Variants in ZNF740 observed in about 807,000 individuals in gnomAD.
The protein encoded by ZNF740 is zinc finger protein 740.
ZNF740 carries 14 observed loss-of-function variants against 24.8 expected under a neutral mutation model. That is an observed-to-expected ratio of 0.56 (90% CI 0.37 to 0.88). ZNF740 has a LOEUF of 0.88. Ranked by LOEUF, ZNF740 falls within the 40% of genes least tolerant of loss-of-function variation. ZNF740 has a pLI of 0.00. For missense variants in ZNF740, 201 were observed against 247.9 expected (o/e 0.81, Z 1.27); for synonymous variants, 69 against 84.0 (o/e 0.82, Z 0.98).
rs1217596350 is a variant in ZNF740, at chr12:53,193,885, G to A, written c.*6295G>A. 1.2e-6 allele frequency: 2 copies of A among 1,612,950 alleles called. No individual in the cohort carries two copies. Among genetic ancestry groups the A allele is most frequent in the Non-Finnish European group, 1.7e-6 (2 of 1,179,532 alleles). On this transcript the variant is annotated 3_prime_UTR_variant, in exon 7 of 7. Transcript: ENST00000416904. ...TGGGAGGCAGTGGGTGGCTTGGAGA[G>A]AAACCCAGAAAGTCACCTGAGAAGA...
At position 53,192,410 on chromosome 12, in the gene ZNF740, G is replaced by A; in HGVS notation, c.*4820G>A. The stretch of plus-strand genomic sequence containing the variant: ...GAAGAAGAACAGCTGGTTGTCCAGG[G>A]TCCGCTCTTTGCACCAGCCATCATC... On this transcript the variant is annotated 3_prime_UTR_variant, in exon 7 of 7. Coordinates refer to ENST00000416904, the MANE Select transcript of ZNF740 (RefSeq NM_001004304.4). The A allele has an allele frequency of 6.2e-7, 1 of 1,614,072 alleles. No homozygotes were observed. The highest frequency in any genetic ancestry group is 1.6e-4 in the Middle Eastern group (1 of 6,062).
Position 53,194,345 on chromosome 12 carries a change from C to G in ZNF740, c.*6755C>G, listed in dbSNP as rs755321727. 1.2e-6 allele frequency: 2 copies of G among 1,613,908 alleles called. No individual in the cohort carries two copies. The highest frequency in any genetic ancestry group is 1.3e-5 in the African/African-American group (1 of 74,996). On this transcript the variant is annotated 3_prime_UTR_variant, in exon 7 of 7. Transcript: ENST00000416904. ...CAAGGGTCACGGTGGAAGACAGGCT[C>G]TATGGGAAGAGAGCGAGTGGATAAC...
intron 2 of ZNF740, among the ~76,000 whole-genome samples, chr12:53,184,039 A>G (rs1160944862): frequency 6.6e-6 from 1 of 151,868 alleles, no homozygotes; most frequent in Non-Finnish European, 1.5e-5. Context: ...ACAAGCAAAA[A>G]ATGAAACAAA....
intron 2 of ZNF740, 47 bp downstream of exon 2, chr12:53,182,039 TGCA>T: frequency 6.3e-7 from 1 of 1,596,472 alleles, no homozygotes. Flanking sequence ...GAAGCCTGTT[TGCA>T]GTTTCACTCT....
At position 53,186,398 on chromosome 12, in the gene ZNF740, G is replaced by A. The variant is rs1282960932; in HGVS notation, c.381G>A (p.Lys127=). The A allele has an allele frequency of 1.9e-6, 3 of 1,576,120 alleles. No individual in the cohort carries two copies. The highest frequency in any genetic ancestry group is 1.9e-5 in the Admixed American group (1 of 53,984). ...TCTGTCCACCTGGGCCAGGTGAGAA[G>A]CCATTTGAATGCGATATATGTGATA... The part of the protein sequence containing the change: ...KRHILIHTGE[K]PFECDICDMR... Residue 127 remains lysine, a synonymous_variant, in exon 6 of 7, where the codon AAG becomes AAA. Transcript: ENST00000416904.
chr12:53,193,179 C>T lies in ZNF740; in HGVS notation c.*5589C>T, dbSNP rs144230932. On this transcript the variant is annotated 3_prime_UTR_variant, in exon 7 of 7. Transcript: ENST00000416904. ...CCCTCATGTCGCTCACAGCTGGCAT[C>T]GTCACACTCGCACAGATGCCCAGAG... 1.8e-4 allele frequency: 291 copies of T among 1,613,768 alleles called. 1 individual carries two copies. The highest frequency in any genetic ancestry group is 1.4e-3 in the African/African-American group (106 of 75,034).
Position 53,194,240 on chromosome 12 carries a change from A to G in ZNF740, c.*6650A>G, listed in dbSNP as rs767095135. On this transcript the variant is annotated 3_prime_UTR_variant, in exon 7 of 7. Coordinates refer to ENST00000416904, the MANE Select transcript of ZNF740 (RefSeq NM_001004304.4). ...CGTGGTTGCACTGTCCTCGATCCTC[A>G]GCCTTACCCTCCCTCTTCTCAGGAC... 6.2e-7 allele frequency: 1 copy of G among 1,613,868 alleles called. No homozygotes were observed.
chr12:53,186,793 C>T (rs187553518), intron 6 of ZNF740: 2 of 290,572 alleles, frequency 6.9e-6, no homozygotes, highest in Middle Eastern at 1.1e-3. Flanking sequence ...CTCACATTGA[C>T]TCCCTAAGGT....
intron 1 of ZNF740, chr12:53,181,392 G>A: frequency 1.0e-6 from 1 of 985,408 alleles, no homozygotes; most frequent in Non-Finnish European, 1.2e-6. Context: ...AAGCCCCAAA[G>A]GGTCTCCGCC....
At position 53,185,979 on chromosome 12, in the gene ZNF740, C is replaced by T; in HGVS notation, c.275C>T (p.Ser92Phe). The change falls in exon 5 of 7, where the codon TCT becomes TTT. Residue 92 changes from serine (S) to phenylalanine (F), a missense_variant. By Grantham distance (155) the Ser-to-Phe change is radical. Coordinates refer to ENST00000416904, the MANE Select transcript of ZNF740 (RefSeq NM_001004304.4). Reference protein sequence around the residue: ...KKVVVVEQNGSFQVKIPKNFV... With the variant: ...KKVVVVEQNGFFQVKIPKNFV... ...GTGGTGGTAGTGGAACAAAATGGTT[C>T]TTTTCAAGTAAAGATTCCCAAAAAT... 1 of 1,613,694 alleles carries T rather than the reference C, an allele frequency of 6.2e-7. No homozygotes were observed. The highest frequency in any genetic ancestry group is 2.2e-5 in the East Asian group (1 of 44,882).
intron 3 of ZNF740, 101 bp downstream of exon 3, chr12:53,185,141 A>G: frequency 1.3e-6 from 2 of 1,557,090 alleles, no homozygotes; most frequent in Non-Finnish European, 1.7e-6. Flanking sequence ...CTCATAGGGA[A>G]GTGGGGCAAG....
chr12:53,182,799 A>G (rs1941709984), intron 2 of ZNF740, among the ~76,000 whole-genome samples: 1 of 152,200 alleles, frequency 6.6e-6, no homozygotes, highest in Non-Finnish European at 1.5e-5. Context: ...TGTTCCCTGC[A>G]GTAAGCAGAG....
rs1171056810 is a variant in ZNF740 at position 53,180,729 on chromosome 12, T to A, written c.-416T>A. On this transcript the variant is annotated 5_prime_UTR_variant, in exon 1 of 7. Transcript: ENST00000416904. ...GGGCCGGGGTTGGTGTTTGTAAACT[T>A]GCCTCGGTCCCGGTGGGGGCAGCCG... 7.9e-7 allele frequency: 1 copy of A among 1,262,714 alleles called. No homozygotes were observed. The highest frequency in any genetic ancestry group is 1.6e-5 in the African/African-American group (1 of 63,078). 78.2% of individuals were successfully genotyped at this position (1,262,714 alleles called of 1,614,324 possible).
chr12:53,184,210 A>G (rs1941777566), intron 2 of ZNF740, among the ~76,000 whole-genome samples: 1 of 133,192 alleles, frequency 7.5e-6, no homozygotes, highest in African/African-American at 3.0e-5. Context: ...TGAGTGACGG[A>G]GGGATTCTCG....
intron 2 of ZNF740, among the ~76,000 whole-genome samples, chr12:53,184,138 TGTGTGTGTGTGTGCGC>T (rs1272144628): frequency 7.7e-6 from 1 of 130,038 alleles, no homozygotes; most frequent in Non-Finnish European, 1.6e-5. Flanking sequence ...TGTGTGTGTG[TGTGTGTGTGTGTGCGC>T]GCGCGCGCTC....
chr12:53,190,535 ACGCC>A lies in ZNF740; in HGVS notation c.*2947_*2950del. 6.6e-6 allele frequency: 1 copy of A among 152,662 alleles called. No homozygotes were observed. The highest frequency in any genetic ancestry group is 1.5e-5 in the Non-Finnish European group (1 of 68,106). The allele number at this position is 152,662 out of a possible 1,614,324, so 9.5% of individuals were successfully genotyped here. ...CCTTGTCATCACTTAGCTACTGATC[ACGCC>A]CATGGCTTGACATTGGAGGGTTACA... On this transcript the variant is annotated 3_prime_UTR_variant, in exon 7 of 7. Coordinates refer to ENST00000416904, the MANE Select transcript of ZNF740 (RefSeq NM_001004304.4).
chr12:53,184,249 C>T (rs990580558), intron 2 of ZNF740, among the ~76,000 whole-genome samples: 10 of 151,026 alleles, frequency 6.6e-5, no homozygotes, highest in Non-Finnish European at 1.2e-4. Context: ...AGTGCAGTGG[C>T]GCGATTTCGG....
chr12:53,192,322 C>G lies in ZNF740; in HGVS notation c.*4732C>G. On this transcript the variant is annotated 3_prime_UTR_variant, in exon 7 of 7. Transcript: ENST00000416904. ...CTTCCAGGGTTTGTGGCATCCCTGC[C>G]CACTTACTTTCTTGGGGTCTCACTC... is the stretch of plus-strand genomic sequence containing the variant. 6.2e-7 allele frequency: 1 copy of G among 1,613,808 alleles called. No homozygotes were observed. The highest frequency in any genetic ancestry group is 8.5e-7 in the Non-Finnish European group (1 of 1,179,872).
chr12:53,181,563 G>A, intron 1 of ZNF740, 114 bp from the exon 2 acceptor site: 1 of 943,518 alleles, frequency 1.1e-6, no homozygotes, highest in Non-Finnish European at 1.3e-6. Context: ...CTTGACTCAT[G>A]TCCTCGTTCT....
Sources: allele counts gnomAD v4.1 joint callset (sites outside exome capture counted in the v4.1 genomes callset), GRCh38; gene constraint gnomAD v4.1.1; transcripts MANE v1.5; gene names NCBI Gene and HGNC (gene_info 2026-07-23, HGNC 2026-07-21).